Variants in TOP2B observed in about 807,000 individuals in gnomAD.
TOP2B encodes the protein DNA topoisomerase II beta.
In TOP2B, 51 loss-of-function variants were observed where a neutral mutation model predicts 193.5. That is an observed-to-expected ratio of 0.26 (90% CI 0.21 to 0.33). TOP2B has a LOEUF of 0.33. TOP2B is among the 10% of genes least tolerant of loss of function. TOP2B has a pLI of 1.00. For synonymous variants in TOP2B, 634 were observed against 635.7 expected, an observed-to-expected ratio of 1.00 and a Z score of 0.04; for missense variants, 1,378 against 1,909.3, an observed-to-expected ratio of 0.72 and a Z score of 5.19.
chr3:25,620,307 GA>G (rs1702626004), intron 22 of TOP2B, among the ~76,000 whole-genome samples: 1 of 151,832 alleles, frequency 6.6e-6, no homozygotes, highest in Non-Finnish European at 1.5e-5. Context: ...GGCTGAGTAT[GA>G]AAAGGATGAC....
intron 27 of TOP2B, among the ~76,000 whole-genome samples, chr3:25,614,598 A>T (rs953606419): frequency 1.3e-5 from 2 of 152,004 alleles, no homozygotes; most frequent in Admixed American, 1.3e-4. Flanking sequence ...GAGCATGTAG[A>T]CAATAAATCA....
Position 25,598,425 on chromosome 3 carries a change from G to A in TOP2B, c.4763C>T (p.Ser1588Leu), listed in dbSNP as rs1489309812. The A allele has an allele frequency of 1.9e-6, 3 of 1,613,392 alleles. No homozygotes were observed. Among genetic ancestry groups the A allele is most frequent in the East Asian group, 2.2e-5 (1 of 44,860 alleles). The change falls in exon 36 of 36, where the codon TCA (serine) becomes TTA (leucine). Residue 1588 changes from serine to leucine, a missense_variant. This residue lies in a region of TOP2B where 556 missense variants were observed against 584.2 expected (regional missense o/e 0.95). Transcript: ENST00000264331. ...AGAAGGTGGCTCAGTAGGGAAGTCT[G>A]AGGGGAAGATGTCCACATCTGAATC... ...DQDSDVDIFP[S>L]DFPTEPPSLP...
Position 25,653,074 on chromosome 3 carries a change from C to G in TOP2B, c.70-7604G>C, listed in dbSNP as rs909599720. ...GAATACATTCCAAACATATAATCTACCAAGACTGAATCATGAATAAAAAAT... is the reference window on the plus strand; with the variant it reads ...GAATACATTCCAAACATATAATCTAGCAAGACTGAATCATGAATAAAAAAT... On this transcript the variant is annotated intron_variant, in intron 1 of 35. Coordinates refer to ENST00000264331, the MANE Select transcript of TOP2B (RefSeq NM_001330700.2). 4.6e-5 allele frequency among the ~76,000 whole-genome samples: 7 copies of G among 152,072 alleles called. 1 individual carries two copies. The East Asian group carries it at 7.7e-4, about 17-fold the overall frequency.
intron 22 of TOP2B, 97 bp downstream of exon 22, chr3:25,620,585 C>T (rs533365012): frequency 1.3e-4 from 167 of 1,324,138 alleles, no homozygotes; most frequent in African/African-American, 8.9e-4. Context: ...TTTAACACTA[C>T]GCACGCTTAG....
intron 4 of TOP2B, among the ~76,000 whole-genome samples, chr3:25,640,370 GAAAC>G (rs1703222564): frequency 6.6e-6 from 1 of 151,980 alleles, no homozygotes; most frequent in African/African-American, 2.4e-5. Context: ...AACAACAAAA[GAAAC>G]AAGAAAGGAG....
intron 26 of TOP2B, 57 bp downstream of exon 26, chr3:25,615,374 A>G: frequency 1.3e-6 from 2 of 1,539,838 alleles, no homozygotes; most frequent in Non-Finnish European, 1.7e-6. Flanking sequence ...GGAAAAAGAA[A>G]AAGATACAGA....
chr3:25,611,269 T>C (rs1021757730), intron 28 of TOP2B, among the ~76,000 whole-genome samples: 6 of 152,118 alleles, frequency 3.9e-5, no homozygotes, highest in Non-Finnish European at 8.8e-5. Flanking sequence ...AAAGAAACCA[T>C]CTTCCGAGGG....
chr3:25,653,303 A>C (rs959307273), intron 1 of TOP2B, among the ~76,000 whole-genome samples: 2 of 152,168 alleles, frequency 1.3e-5, no homozygotes, highest in African/African-American at 4.8e-5. Flanking sequence ...TGATACAAAA[A>C]CTAGAAGACA....
intron 25 of TOP2B, 137 bp downstream of exon 25, chr3:25,618,281 C>T (rs1702564421): frequency 1.6e-6 from 1 of 637,104 alleles, no homozygotes; most frequent in Admixed American, 2.8e-5. Flanking sequence ...TGTGGATAAA[C>T]AGAAGACTTT....
rs768018203 is a variant in TOP2B, at chr3:25,623,608, A to C, written c.2634T>G (p.Gly878=). Residue 878 remains glycine, a synonymous_variant, in exon 21 of 36, where the codon GGT becomes GGG. Transcript: ENST00000264331. ...TGGGTAGTTTACAAGCCCATCCAGT[A>C]CCAATGCCCTCAGCACCATTTATTA... ...MVLINGAEGI[G]TGWACKLPNY... 5.6e-6 allele frequency: 9 copies of C among 1,613,960 alleles called. No individual in the cohort carries two copies. In the East Asian group the frequency reaches 1.6e-4, roughly 28 times the overall value.
In TOP2B at chr3:25,664,305, G is replaced by T. The variant is rs1448502716; in HGVS notation, c.-8C>A. The T allele has an allele frequency of 1.3e-6, 2 of 1,529,984 alleles. No individual in the cohort carries two copies. Among genetic ancestry groups the T allele is most frequent in the Admixed American group, 2.0e-5 (1 of 50,706 alleles). The allele number at this position is 1,529,984 out of a possible 1,614,324, so 94.8% of individuals were successfully genotyped here. A position where few individuals can be genotyped will look rare whatever the true frequency, so the allele number is the denominator to read the frequency against. On this transcript the variant is annotated 5_prime_UTR_variant, in exon 1 of 36. Transcript: ENST00000264331. ...GCCACCCGACTTGGCCATGGCGAGT[G>T]CCTCCAGCTCACAGGCCCTGAGGCC...
rs137918831 is a variant in TOP2B at position 25,633,571 on chromosome 3, A to C, written c.1026+270T>G. Reference sequence around the variant, plus strand: ...GGGAAGGTGGGGCTAAAAGTTACAGAAAAAGGAATTTGTTATTCTAAATTT... The same window carrying C: ...GGGAAGGTGGGGCTAAAAGTTACAGCAAAAGGAATTTGTTATTCTAAATTT... On this transcript the variant is annotated intron_variant, in intron 8 of 35. Coordinates refer to ENST00000264331, the MANE Select transcript of TOP2B (RefSeq NM_001330700.2). Among the ~76,000 whole-genome samples the C allele has an allele frequency of 1.5e-3, 222 of 152,288 alleles. 2 individuals are homozygous for C. The highest frequency in any genetic ancestry group is 5.1e-3 in the African/African-American group (211 of 41,592).
intron 1 of TOP2B, among the ~76,000 whole-genome samples, chr3:25,658,008 C>G (rs1703798525): frequency 8.3e-6 from 1 of 120,728 alleles, no homozygotes; most frequent in South Asian, 2.7e-4. Flanking sequence ...TTGCAGTGAG[C>G]CGAGATCCCG....
Position 25,650,647 on chromosome 3 carries a change from A to G in TOP2B, c.70-5177T>C, listed in dbSNP as rs559674372. On this transcript the variant is annotated intron_variant, in intron 1 of 35. Coordinates refer to ENST00000264331, the MANE Select transcript of TOP2B (RefSeq NM_001330700.2). ...TTGTGGAAGCTGAACCGACTGAGACATCTATGGTGTTAGCTATTGTTTCTG... is the reference window on the plus strand; with the variant it reads ...TTGTGGAAGCTGAACCGACTGAGACGTCTATGGTGTTAGCTATTGTTTCTG... Among the ~76,000 whole-genome samples, 10 of 152,350 alleles carry G rather than the reference A, an allele frequency of 6.6e-5. No individual in the cohort carries two copies. The South Asian group carries it at 2.1e-3, about 32-fold the overall frequency.
chr3:25,613,443 T>C (rs1019173327), intron 27 of TOP2B, among the ~76,000 whole-genome samples: 1 of 152,102 alleles, frequency 6.6e-6, no homozygotes, highest in Admixed American at 6.6e-5. Context: ...CCTCAGGAAA[T>C]AACAGAGGCC....
chr3:25,605,327 G>C (rs1364551193), intron 32 of TOP2B, among the ~76,000 whole-genome samples: 3 of 151,952 alleles, frequency 2.0e-5, no homozygotes, highest in African/African-American at 7.2e-5. Context: ...AATTTAAAAG[G>C]CAGACAGGCT....
Position 25,624,735 on chromosome 3 carries a change from C to T in TOP2B, c.2293G>A (p.Val765Ile), listed in dbSNP as rs1702749053. 6.2e-7 allele frequency: 1 copy of T among 1,613,810 alleles called. No individual in the cohort carries two copies. The highest frequency in any genetic ancestry group is 1.3e-5 in the African/African-American group (1 of 75,050). ...FKRNDKREVK[V>I]AQLAGSVAEM... ...GCAACAGAGCCAGCCAACTGGGCAA[C>T]TTTTACTTCACGTTTATCATTCCTC... The change falls in exon 19 of 36, where the codon GTT (valine) becomes ATT (isoleucine). Residue 765 changes from valine to isoleucine, a missense_variant. Around this residue, in one of 9 missense-constraint regions of TOP2B, gnomAD observed 379 missense variants for 615.1 expected, o/e 0.62. Coordinates refer to ENST00000264331, the MANE Select transcript of TOP2B (RefSeq NM_001330700.2).
At chr3:25,649,810 A>G (rs1002618114) in intron 1 of TOP2B, among the ~76,000 whole-genome samples, 8 of 152,200 alleles carry the variant, frequency 5.3e-5, no homozygotes, top group Non-Finnish European at 8.8e-5. Flanking sequence ...ACAAAAATAC[A>G]TAACTCCCTG....
At chr3:25,636,286 T>A in intron 6 of TOP2B, 138 bp from the exon 7 acceptor site, 1 of 618,738 alleles carries the variant, frequency 1.6e-6, no homozygotes, top group Non-Finnish European at 2.7e-6. Flanking sequence ...AAATCCTTGA[T>A]AATATTACAG....
Sources: allele counts gnomAD v4.1 joint callset (sites outside exome capture counted in the v4.1 genomes callset), GRCh38; gene constraint gnomAD v4.1.1; regional missense constraint gnomAD v4.1.1; transcripts MANE v1.5; gene names NCBI Gene and HGNC (gene_info 2026-07-23, HGNC 2026-07-21).